FCAMR: variants seen among roughly 807,000 people sequenced by gnomAD.
FCAMR encodes Fc alpha and mu receptor.
Under a neutral mutation model 52.2 loss-of-function variants are expected in FCAMR, and 51 were observed. The ratio of observed to expected loss-of-function variants is 0.98; its 90% CI spans 0.78 to 1.23. The LOEUF (loss-of-function observed/expected upper bound fraction) is 1.23, where lower values mean the gene tolerates loss of function less well. FCAMR is among the 50% of genes most tolerant of loss of function. The pLI, the probability that FCAMR is intolerant of heterozygous loss-of-function variation, is 0.00. For synonymous variants in FCAMR, 282 were observed against 262.0 expected, an observed-to-expected ratio of 1.08 and a Z score of -0.74; for missense variants, 719 against 712.6, an observed-to-expected ratio of 1.01 and a Z score of -0.10.
At chr1:206,968,925 A>C (rs539064732) in intron 1 of FCAMR, among the ~76,000 whole-genome samples, 1 of 152,258 alleles carries the variant, frequency 6.6e-6, no homozygotes, top group South Asian at 2.1e-4. Context: ...AGCCCCAAGA[A>C]TGGCCAGATC....
intron 7 of FCAMR, 134 bp downstream of exon 7, chr1:206,959,545 G>A (rs1181044060): frequency 1.5e-6 from 1 of 650,930 alleles, no homozygotes; most frequent in African/African-American, 1.8e-5. Context: ...GGCCAAGAGT[G>A]GTTAAATGGC....
At chr1:206,963,399 C>A (rs1444441805) in intron 4 of FCAMR, among the ~76,000 whole-genome samples, 1 of 152,214 alleles carries the variant, frequency 6.6e-6, no homozygotes, top group Non-Finnish European at 1.5e-5. Context: ...AAAGTTCATT[C>A]TTTCTCTCAC....
chr1:206,960,915 T>C lies in FCAMR; in HGVS notation c.961A>G (p.Asn321Asp), dbSNP rs1454465599. ...CCCTCCCAAACACCTTCTGTTGTAT[T>C]GGACATGCTTCTGCTCTTTGAAGGT... is the stretch of plus-strand genomic sequence containing the variant. The part of the protein sequence containing the change: ...SPPSKSRSMS[N>D]TTEGVWEGTR... The change falls in exon 6 of 8, where the codon AAT becomes GAT. Residue 321 changes from asparagine (N) to aspartate (D), a missense_variant. Transcript: ENST00000324852. 2.6e-6 allele frequency: 4 copies of C among 1,552,258 alleles called. No homozygotes were observed. The highest frequency in any genetic ancestry group is 3.5e-6 in the Non-Finnish European group (4 of 1,147,146).
intron 4 of FCAMR, among the ~76,000 whole-genome samples, chr1:206,964,979 T>G (rs950613622): frequency 7.2e-5 from 11 of 152,206 alleles, no homozygotes; most frequent in African/African-American, 2.7e-4. Flanking sequence ...ATGTGTGTAT[T>G]CAGGTCTAAC....
rs765856357 is a variant in FCAMR at position 206,967,123 on chromosome 1, C to T, written c.109-11G>A. On this transcript the variant is annotated splice_polypyrimidine_tract_variant and intron_variant, in intron 2 of 7. Transcript: ENST00000324852. Reference sequence around the variant, plus strand: ...CCTCCTGCTGGTGACCTGCAAAAAACACTCTAAATGAAAAGAGGCCTGAGA... The same window carrying T: ...CCTCCTGCTGGTGACCTGCAAAAAATACTCTAAATGAAAAGAGGCCTGAGA... 1 of 1,613,520 alleles carries T rather than the reference C, an allele frequency of 6.2e-7. No individual in the cohort carries two copies. The highest frequency in any genetic ancestry group is 8.5e-7 in the Non-Finnish European group (1 of 1,179,822).
At chr1:206,969,352 T>C (rs1478370760) in intron 1 of FCAMR, 2 of 455,260 alleles carry the variant, frequency 4.4e-6, no homozygotes, top group Non-Finnish European at 8.8e-6. Context: ...TCAGCTTTGA[T>C]TGGAGGCTGG....
Position 206,967,581 on chromosome 1 carries a change from A to G in FCAMR, c.108+2T>C. 6.2e-7 allele frequency: 1 copy of G among 1,614,122 alleles called. No individual in the cohort carries two copies. On this transcript the variant is annotated splice_donor_variant, in intron 2 of 7. Transcript: ENST00000324852. LOFTEE classifies it high-confidence loss of function. ...GCAAGGGGTTGTTGTTACACAACTT[A>G]CGTGAGATTGTGGTAAAGTGCCAGC...
At chr1:206,963,463 C>T (rs1486411749) in intron 4 of FCAMR, among the ~76,000 whole-genome samples, 1 of 152,154 alleles carries the variant, frequency 6.6e-6, no homozygotes, top group Non-Finnish European at 1.5e-5. Context: ...AAATTTCAGG[C>T]ATAATCTCAT....
At position 206,962,278 on chromosome 1, in the gene FCAMR, T is replaced by A; in HGVS notation, c.587A>T (p.Tyr196Phe). ...GTTTTCACTTCCAATGCCGCAGAGG[T>A]AGCATCCGATGTCATCCGGGGACAG... ...SQLSPDDIGC[Y>F]LCGIGSENNM... The change falls in exon 5 of 8, where the codon TAC (tyrosine) becomes TTC (phenylalanine). Residue 196 changes from tyrosine to phenylalanine, a missense_variant. Transcript: ENST00000324852. The A allele has an allele frequency of 3.7e-6, 6 of 1,614,118 alleles. No homozygotes were observed. Among genetic ancestry groups the A allele is most frequent in the Non-Finnish European group, 5.1e-6 (6 of 1,180,016 alleles).
chr1:206,960,308 C>T (rs1680451010), intron 6 of FCAMR, 114 bp downstream of exon 6: 3 of 1,127,646 alleles, frequency 2.7e-6, no homozygotes, highest in Non-Finnish European at 3.7e-6. Flanking sequence ...GTGTATGTCA[C>T]TGTCTTGTGG....
chr1:206,967,042 T>A lies in FCAMR; in HGVS notation c.169+10A>T. 1 of 1,613,724 alleles carries A rather than the reference T, an allele frequency of 6.2e-7. No individual in the cohort carries two copies. Among genetic ancestry groups the A allele is most frequent in the Non-Finnish European group, 8.5e-7 (1 of 1,179,964 alleles). On this transcript the variant is annotated intron_variant, in intron 3 of 7. Coordinates refer to ENST00000324852, the MANE Select transcript of FCAMR (RefSeq NM_001170631.2). ...GTAAGCCCTGAACCTGGGCTGGGTT[T>A]GGGACTCACCTTGTAGCAGGCACAG...
chr1:206,968,393 G>T (rs938955428), intron 1 of FCAMR, among the ~76,000 whole-genome samples: 1 of 152,232 alleles, frequency 6.6e-6, no homozygotes, highest in Admixed American at 6.5e-5. Flanking sequence ...GTATTCCCCA[G>T]AGGGTATTCA....
intron 3 of FCAMR, among the ~76,000 whole-genome samples, chr1:206,966,173 G>C (rs931787322): frequency 6.6e-6 from 1 of 152,198 alleles, no homozygotes; most frequent in Admixed American, 6.5e-5. Flanking sequence ...AGATTAAAGT[G>C]CTGACCAAAG....
At chr1:206,970,529 C>G (rs1335197082), upstream of FCAMR, 1 of 156,436 alleles carries the variant, frequency 6.4e-6, no homozygotes, top group African/African-American at 2.4e-5. Flanking sequence ...ATCTCCCGGA[C>G]AAGTGATGCA....
intron 1 of FCAMR, 26 bp from the exon 2 acceptor site, chr1:206,967,677 T>A (rs150528125): frequency 1.3e-5 from 21 of 1,611,252 alleles, no homozygotes; most frequent in Non-Finnish European, 1.7e-5. Context: ...GAATTGGTTT[T>A]TTCAAGGGAA....
Position 206,959,671 on chromosome 1 carries a change from C to A in FCAMR, c.1573+8G>T, listed in dbSNP as rs767560218. ...TCTTCTATCTAGCCTTGGGGCTACT[C>A]AACTCACAGGTCCTCCTTCTCCAGA... is the stretch of plus-strand genomic sequence containing the variant. On this transcript the variant is annotated splice_region_variant and intron_variant, in intron 7 of 7. Coordinates refer to ENST00000324852, the MANE Select transcript of FCAMR (RefSeq NM_001170631.2). The A allele has an allele frequency of 6.2e-7, 1 of 1,610,588 alleles. No homozygotes were observed. Among genetic ancestry groups the A allele is most frequent in the South Asian group, 1.1e-5 (1 of 91,006 alleles).
At chr1:206,960,076 A>C in intron 6 of FCAMR, 1 of 509,274 alleles carries the variant, frequency 2.0e-6, no homozygotes. Flanking sequence ...AAGCGACTCC[A>C]GCCTCAGCAC....
chr1:206,962,699 G>A (rs1353105456), intron 4 of FCAMR, 148 bp from the exon 5 acceptor site: 2 of 653,466 alleles, frequency 3.1e-6, no homozygotes, highest in African/African-American at 1.8e-5. Flanking sequence ...AAAAATGGCA[G>A]AACTCAGCCA....
upstream of FCAMR, chr1:206,970,591 C>T (rs1680898126): frequency 6.5e-6 from 1 of 153,760 alleles, no homozygotes; most frequent in Admixed American, 6.5e-5. Flanking sequence ...GAGGAATTCC[C>T]CTGCCATTTG....
Sources: allele counts gnomAD v4.1 joint callset (sites outside exome capture counted in the v4.1 genomes callset), GRCh38; gene constraint gnomAD v4.1.1; transcripts MANE v1.5; gene names NCBI Gene and HGNC (gene_info 2026-07-23, HGNC 2026-07-21).